The following GPM6A variants were observed in gnomAD, a reference collection of about 807,000 sequenced individuals.
GPM6A encodes the protein neuronal membrane glycoprotein M6-a.
GPM6A carries 7 observed loss-of-function variants against 32.1 expected under a neutral mutation model. That is an observed-to-expected ratio of 0.22 (90% confidence interval 0.12 to 0.41). GPM6A has a LOEUF of 0.41. Ranked by LOEUF, GPM6A falls within the 10% of genes least tolerant of loss-of-function variation. The pLI is 1.00. For missense variants in GPM6A, 235 were observed against 347.2 expected, an observed-to-expected ratio of 0.68 and a Z score of 2.57; for synonymous variants, 130 against 123.4, an observed-to-expected ratio of 1.05 and a Z score of -0.35.
intron 1 of GPM6A, among the ~76,000 whole-genome samples, chr4:175,821,134 T>C (rs1735266118): frequency 6.6e-6 from 1 of 152,230 alleles, no homozygotes; most frequent in South Asian, 2.1e-4. Context: ...CCTACTGTTC[T>C]ACGTCTTCTA....
chr4:175,671,982 T>TAA (rs1320243312), intron 3 of GPM6A, among the ~76,000 whole-genome samples: 1 of 73,024 alleles, frequency 1.4e-5, no homozygotes, highest in Admixed American at 1.6e-4. Flanking sequence ...GTTACCATTA[T>TAA]AGAAAAAAAA....
intron 1 of GPM6A, among the ~76,000 whole-genome samples, chr4:175,922,149 T>C (rs554173944): frequency 6.6e-6 from 1 of 152,338 alleles, no homozygotes; most frequent in South Asian, 2.1e-4. Flanking sequence ...TGTGAAGGGT[T>C]AATGTGAAGA....
At chr4:175,637,689 TATA>T (rs1740848977) in intron 6 of GPM6A, among the ~76,000 whole-genome samples, 1 of 2,046 alleles carries the variant, frequency 4.9e-4, no homozygotes. Flanking sequence ...ATATATAATA[TATA>T]ATATATTATA....
chr4:175,830,897 T>TG (rs1367338075), intron 1 of GPM6A, among the ~76,000 whole-genome samples: 1 of 151,908 alleles, frequency 6.6e-6, no homozygotes, highest in Non-Finnish European at 1.5e-5. Context: ...CTAACTGGGT[T>TG]GGGGAAAAAA....
intron 3 of GPM6A, among the ~76,000 whole-genome samples, chr4:175,658,421 G>C (rs965210436): frequency 9.2e-5 from 14 of 152,088 alleles, no homozygotes; most frequent in Non-Finnish European, 1.8e-4. Context: ...GTGTAGGGGG[G>C]GTGAGAGGGC....
chr4:175,663,303 T>C (rs1742538762), intron 3 of GPM6A, among the ~76,000 whole-genome samples: 1 of 152,166 alleles, frequency 6.6e-6, no homozygotes, highest in African/African-American at 2.4e-5. Flanking sequence ...TGTTTCTCAG[T>C]AGGTGAATGG....
At position 175,634,755 on chromosome 4, in the gene GPM6A, A is replaced by C; in HGVS notation, c.*150T>G. On this transcript the variant is annotated 3_prime_UTR_variant, in exon 7 of 7. Coordinates refer to ENST00000393658, the MANE Select transcript of GPM6A (RefSeq NM_201591.3). ...AAATTGGGAAATTTAAGTGCTAAAC[A>C]ACAAAGAATTGTACTCAGGTGATTC... is the stretch of plus-strand genomic sequence containing the variant. 1 of 565,262 alleles carries C rather than the reference A, an allele frequency of 1.8e-6. No homozygotes were observed. The highest frequency in any genetic ancestry group is 2.7e-5 in the South Asian group (1 of 36,652). The allele number at this position is 565,262 out of a possible 1,614,324, so 35.0% of individuals were successfully genotyped here. A position where few individuals can be genotyped will look rare whatever the true frequency, so the allele number is the denominator to read the frequency against.
chr4:175,696,340 C>A (rs1410521789), intron 2 of GPM6A, among the ~76,000 whole-genome samples: 1 of 152,158 alleles, frequency 6.6e-6, no homozygotes, highest in South Asian at 2.1e-4. Context: ...ATGGAACAAG[C>A]TCAGGGGAGT....
chr4:175,761,929 C>T (rs979624845), intron 1 of GPM6A, among the ~76,000 whole-genome samples: 33 of 151,816 alleles, frequency 2.2e-4, no homozygotes, highest in African/African-American at 5.3e-4. Flanking sequence ...CAAGTAGTTA[C>T]GATTACAGGC....
intron 1 of GPM6A, among the ~76,000 whole-genome samples, chr4:175,735,343 A>G (rs1731613356): frequency 6.6e-6 from 1 of 152,186 alleles, no homozygotes; most frequent in Non-Finnish European, 1.5e-5. Flanking sequence ...AATTCTGCCT[A>G]ATTTGGGAAG....
intron 1 of GPM6A, among the ~76,000 whole-genome samples, chr4:175,851,395 G>T (rs979976633): frequency 6.7e-6 from 1 of 149,774 alleles, no homozygotes; most frequent in South Asian, 2.2e-4. Flanking sequence ...TGAGGGAGGA[G>T]AATCATTTGA....
intron 1 of GPM6A, among the ~76,000 whole-genome samples, chr4:175,740,836 T>C (rs1250201940): frequency 6.6e-6 from 1 of 151,862 alleles, no homozygotes; most frequent in East Asian, 1.9e-4. Context: ...CTAAAGAAAA[T>C]GGATGAAAGG....
chr4:175,742,831 C>G (rs1217463579), intron 1 of GPM6A, among the ~76,000 whole-genome samples: 1 of 151,926 alleles, frequency 6.6e-6, no homozygotes, highest in Admixed American at 6.6e-5. Flanking sequence ...CGATGAAAGT[C>G]AAAGACATGA....
intron 1 of GPM6A, among the ~76,000 whole-genome samples, chr4:175,801,879 T>A (rs80133217): frequency 0.032 from 4,838 of 152,116 alleles, 97 homozygotes; most frequent in Non-Finnish European, 0.048. Context: ...TGGGCAAAAA[T>A]ATTTTTGATA....
At chr4:175,986,371 T>TA (rs545811299) in intron 1 of GPM6A, among the ~76,000 whole-genome samples, 3 of 151,254 alleles carry the variant, frequency 2.0e-5, no homozygotes, top group East Asian at 3.9e-4. Flanking sequence ...CCTATCACTA[T>TA]AAAAAAAAAT....
At chr4:175,842,634 CT>C (rs1208290729) in intron 1 of GPM6A, among the ~76,000 whole-genome samples, 1 of 152,112 alleles carries the variant, frequency 6.6e-6, no homozygotes, top group Non-Finnish European at 1.5e-5. Flanking sequence ...GAGTTCAATG[CT>C]TCAGTGAGCC....
At chr4:175,757,849 C>T (rs1394743769) in intron 1 of GPM6A, among the ~76,000 whole-genome samples, 1 of 152,022 alleles carries the variant, frequency 6.6e-6, no homozygotes, top group East Asian at 1.9e-4. Flanking sequence ...ATTCATAGAA[C>T]CCGAATAAGT....
intron 1 of GPM6A, among the ~76,000 whole-genome samples, chr4:175,874,210 T>C (rs556404967): frequency 2.6e-5 from 4 of 152,066 alleles, no homozygotes; most frequent in East Asian, 1.9e-4. Flanking sequence ...AATAAAGAAA[T>C]AGAAGTAATG....
intron 4 of GPM6A, among the ~76,000 whole-genome samples, chr4:175,645,679 C>T (rs922206175): frequency 2.0e-5 from 3 of 152,096 alleles, no homozygotes; most frequent in Non-Finnish European, 4.4e-5. Flanking sequence ...CGAGATGGCG[C>T]CACTGCACTC....
Sources: gnomAD v4.1 joint callset for allele counts (sites outside exome capture counted in the v4.1 genomes callset) on GRCh38, gnomAD v4.1.1 for gene constraint, MANE v1.5 for transcripts, NCBI Gene and HGNC (gene_info 2026-07-23, HGNC 2026-07-21) for gene names.